The following NGF variants were observed in gnomAD, a reference collection of about 807,000 sequenced individuals.
NGF encodes the protein nerve growth factor, also known as beta-nerve growth factor.
NGF carries 4 observed loss-of-function variants against 12.8 expected under a neutral mutation model. That is an observed-to-expected ratio of 0.31 (90% CI 0.15 to 0.72). The LOEUF is 0.72. NGF is among the 30% of genes least tolerant of loss of function. The pLI, the probability that NGF is intolerant of heterozygous loss-of-function variation, is 0.69. For synonymous variants in NGF, 140 were observed against 130.0 expected (o/e 1.08, Z -0.52); for missense variants, 283 against 330.8 (o/e 0.86, Z 1.12).
intron 1 of NGF, among the ~76,000 whole-genome samples, chr1:115,337,279 T>TG (rs1655151073): frequency 4.3e-5 from 3 of 69,680 alleles, no homozygotes; most frequent in Non-Finnish European, 6.0e-5. Context: ...TTTTTTTTTT[T>TG]TTTTTTTTTT....
chr1:115,317,772 G>A (rs1654510710), intron 1 of NGF, among the ~76,000 whole-genome samples: 1 of 152,234 alleles, frequency 6.6e-6, no homozygotes, highest in Admixed American at 6.5e-5. Context: ...ATGCATCCCT[G>A]CCGCTGGCAG....
At chr1:115,337,842 A>G (rs967099018) in intron 1 of NGF, among the ~76,000 whole-genome samples, 6 of 151,882 alleles carry the variant, frequency 4.0e-5, no homozygotes, top group African/African-American at 1.5e-4. Context: ...CTCCGCGCCC[A>G]TTCGCTCTCC....
intron 1 of NGF, among the ~76,000 whole-genome samples, chr1:115,330,663 T>C (rs1200685290): frequency 1.3e-5 from 2 of 152,166 alleles, no homozygotes; most frequent in Non-Finnish European, 2.9e-5. Context: ...ATTTAGGTCA[T>C]GGAAAGTGAA....
chr1:115,315,260 C>G (rs541111312), intron 1 of NGF, among the ~76,000 whole-genome samples: 1 of 152,300 alleles, frequency 6.6e-6, no homozygotes, highest in South Asian at 2.1e-4. Flanking sequence ...AAGAGGAACA[C>G]TGTGGCTGAG....
chr1:115,325,761 A>G (rs12060354), intron 1 of NGF, among the ~76,000 whole-genome samples: 21,400 of 152,114 alleles, frequency 0.14, 3,265 homozygotes, highest in African/African-American at 0.38. Flanking sequence ...GCAGTGGACT[A>G]TAAGAAGTGA....
intron 2 of NGF, among the ~76,000 whole-genome samples, chr1:115,289,327 C>T (rs192031510): frequency 2.0e-5 from 3 of 152,246 alleles, no homozygotes; most frequent in Admixed American, 2.0e-4. Context: ...GTAACACTTG[C>T]TAGAATTTCA....
intron 1 of NGF, among the ~76,000 whole-genome samples, chr1:115,328,284 T>C (rs114580080): frequency 0.015 from 2,272 of 152,322 alleles, 37 homozygotes; most frequent in Non-Finnish European, 0.02. Flanking sequence ...CCTCAGAGGC[T>C]ACATTAGCCA....
At chr1:115,297,622 T>A (rs1416495621) in intron 1 of NGF, among the ~76,000 whole-genome samples, 2 of 152,222 alleles carry the variant, frequency 1.3e-5, no homozygotes, top group Non-Finnish European at 2.9e-5. Context: ...CCTCTGCTGA[T>A]CGTTTTTCAA....
At chr1:115,332,314 C>T (rs577179787) in intron 1 of NGF, among the ~76,000 whole-genome samples, 238 of 152,106 alleles carry the variant, frequency 1.6e-3, no homozygotes, top group African/African-American at 5.4e-3. Context: ...CATTACAAGG[C>T]GAAGATAAAT....
intron 1 of NGF, among the ~76,000 whole-genome samples, chr1:115,336,617 C>G (rs1655115786): frequency 6.6e-6 from 1 of 152,164 alleles, no homozygotes; most frequent in African/African-American, 2.4e-5. Context: ...TTTGATACAG[C>G]CTTTCTTCTT....
chr1:115,300,394 T>C (rs1460686226), intron 1 of NGF, among the ~76,000 whole-genome samples: 1 of 152,190 alleles, frequency 6.6e-6, no homozygotes, highest in Admixed American at 6.5e-5. Flanking sequence ...ATGCCACCCT[T>C]ACTCATTAAA....
rs58345237 is a variant in NGF, at chr1:115,304,329, A to ATTTTT, written c.-136-10584_-136-10580dup. The stretch of plus-strand genomic sequence containing the variant: ...AGGAGCGCACCACCATGCTTGGCTA[A>ATTTTT]TTTTTTTTTTTTTTTTGTATTTTTA... On this transcript the variant is annotated intron_variant, in intron 1 of 2. Coordinates refer to ENST00000369512, the MANE Select transcript of NGF (RefSeq NM_002506.3). 9.3e-4 allele frequency among the ~76,000 whole-genome samples: 75 copies of ATTTTT among 80,788 alleles called. 1 individual carries two copies. The highest frequency in any genetic ancestry group is 2.5e-3 in the South Asian group (5 of 1,964). 53.0% of individuals were successfully genotyped at this position (80,788 alleles called of 152,430 possible).
intron 1 of NGF, among the ~76,000 whole-genome samples, chr1:115,305,294 A>G (rs1302687113): frequency 1.3e-5 from 2 of 152,184 alleles, no homozygotes; most frequent in African/African-American, 2.4e-5. Context: ...TTTGACAGAT[A>G]AGGAAACTTT....
chr1:115,333,499 T>TAA (rs34024301), intron 1 of NGF, among the ~76,000 whole-genome samples: 2,148 of 76,518 alleles, frequency 0.028, 100 homozygotes, highest in African/African-American at 0.04. Flanking sequence ...ATAGTACTAC[T>TAA]AAAAAAAAAA....
intron 1 of NGF, among the ~76,000 whole-genome samples, chr1:115,297,165 A>G (rs1458422844): frequency 6.6e-6 from 1 of 152,188 alleles, no homozygotes; most frequent in Non-Finnish European, 1.5e-5. Flanking sequence ...TTTACCACAA[A>G]CCTACTGAAT....
intron 1 of NGF, among the ~76,000 whole-genome samples, chr1:115,320,942 G>C (rs989936571): frequency 6.6e-6 from 1 of 152,210 alleles, no homozygotes; most frequent in Non-Finnish European, 1.5e-5. Context: ...GAGCAGGGGT[G>C]AGCCTGTGTG....
At position 115,307,178 on chromosome 1, in the gene NGF, C is replaced by A. The variant is rs558048931; in HGVS notation, c.-136-13428G>T. On this transcript the variant is annotated intron_variant, in intron 1 of 2. Transcript: ENST00000369512. ...CTAAGTGAGCTGGGATTTGTCTTAC[C>A]CTTAGGAAACCTGATGCTATTTGTA... Among the ~76,000 whole-genome samples the A allele has an allele frequency of 3.3e-5, 5 of 152,240 alleles. No individual in the cohort carries two copies. In the South Asian group the frequency reaches 1.0e-3, roughly 32 times the overall value.
chr1:115,295,650 A>G (rs1311620057), intron 1 of NGF, among the ~76,000 whole-genome samples: 1 of 152,116 alleles, frequency 6.6e-6, no homozygotes, highest in Non-Finnish European at 1.5e-5. Flanking sequence ...TCCTGTATAG[A>G]AGGAGATTCA....
intron 2 of NGF, among the ~76,000 whole-genome samples, 166 bp from the exon 3 acceptor site, chr1:115,286,973 G>C (rs1006468896): frequency 1.2e-4 from 18 of 152,174 alleles, no homozygotes; most frequent in Admixed American, 3.9e-4. Flanking sequence ...GTTATACCGG[G>C]ACAACAGGCG....
Sources: allele counts gnomAD v4.1 joint callset (sites outside exome capture counted in the v4.1 genomes callset), GRCh38; gene constraint gnomAD v4.1.1; transcripts MANE v1.5; gene names NCBI Gene and HGNC (gene_info 2026-07-23, HGNC 2026-07-21).